Variants in KRAS observed in about 807,000 individuals in gnomAD.
KRAS encodes KRas proto-oncogene, GTPase, also known as GTPase KRas.
In KRAS, 1 loss-of-function variant was observed where a neutral mutation model predicts 21.0. That is an observed-to-expected ratio of 0.05 (90% CI 0.02 to 0.23). The LOEUF (loss-of-function observed/expected upper bound fraction) is 0.23. KRAS is among the 10% of genes least tolerant of loss of function. The pLI, the probability that KRAS is intolerant of heterozygous loss-of-function variation, is 1.00. For missense variants in KRAS, 107 were observed against 221.8 expected, an observed-to-expected ratio of 0.48 and a Z score of 3.29; for synonymous variants, 67 against 72.5, an observed-to-expected ratio of 0.92 and a Z score of 0.39.
At chr12:25,232,017 G>A (rs1211120475) in intron 2 of KRAS, among the ~76,000 whole-genome samples, 2 of 152,118 alleles carry the variant, frequency 1.3e-5, no homozygotes, top group African/African-American at 4.8e-5. Context: ...CCAGCCTCTA[G>A]TCCTACAGTT....
intron 2 of KRAS, chr12:25,234,467 T>A (rs1246584674): frequency 5.5e-6 from 1 of 182,436 alleles, no homozygotes; most frequent in African/African-American, 2.4e-5. Context: ...ATGGATTTCA[T>A]ATTTTTAAAT....
At chr12:25,241,298 T>TA (rs1401765900) in intron 2 of KRAS, among the ~76,000 whole-genome samples, 1 of 152,190 alleles carries the variant, frequency 6.6e-6, no homozygotes, top group Non-Finnish European at 1.5e-5. Context: ...ATGCCACCCA[T>TA]AATTTAAACA....
At chr12:25,242,429 C>G (rs1439386047) in intron 2 of KRAS, among the ~76,000 whole-genome samples, 2 of 152,130 alleles carry the variant, frequency 1.3e-5, no homozygotes, top group African/African-American at 4.8e-5. Context: ...TAAATGATCT[C>G]TGAACTATAA....
chr12:25,244,227 G>A (rs932296202), intron 2 of KRAS, among the ~76,000 whole-genome samples: 2 of 152,118 alleles, frequency 1.3e-5, no homozygotes, highest in African/African-American at 4.8e-5. Flanking sequence ...AAAGTTCTTA[G>A]AAATTTTTCA....
intron 2 of KRAS, among the ~76,000 whole-genome samples, chr12:25,231,546 T>C (rs969505176): frequency 2.6e-5 from 4 of 152,220 alleles, no homozygotes; most frequent in South Asian, 2.1e-4. Context: ...GATGCTTCCA[T>C]GGTGAATACA....
At position 25,208,715 on chromosome 12, in the gene KRAS, A is replaced by G. The variant is rs1164715873; in HGVS notation, c.*1080T>C. The G allele has an allele frequency of 4.3e-6, 1 of 232,818 alleles. No homozygotes were observed. The highest frequency in any genetic ancestry group is 2.2e-5 in the African/African-American group (1 of 45,318). 14.4% of individuals were successfully genotyped at this position (232,818 alleles called of 1,614,324 possible). On this transcript the variant is annotated 3_prime_UTR_variant, in exon 5 of 5. Transcript: ENST00000311936. Reference sequence around the variant, plus strand: ...CCTCCCCATTTTGACTAACCAATGCATGACAACACTGGATGACCGTGGGGA... The same window carrying G: ...CCTCCCCATTTTGACTAACCAATGCGTGACAACACTGGATGACCGTGGGGA...
intron 1 of KRAS, among the ~76,000 whole-genome samples, chr12:25,250,512 G>C (rs2135814132): frequency 6.6e-6 from 1 of 152,178 alleles, no homozygotes; most frequent in Middle Eastern, 3.4e-3. Context: ...AGCGGCGACC[G>C]CCTCCAGCCT....
chr12:25,244,637 T>C (rs1951653334), intron 2 of KRAS, among the ~76,000 whole-genome samples: 1 of 152,126 alleles, frequency 6.6e-6, no homozygotes, highest in Non-Finnish European at 1.5e-5. Context: ...AATCTGAAAA[T>C]AATCCTCAAA....
chr12:25,228,836 G>A (rs554403590), intron 2 of KRAS, among the ~76,000 whole-genome samples: 4 of 152,270 alleles, frequency 2.6e-5, no homozygotes, highest in Admixed American at 6.5e-5. Context: ...CGAGGTGGGC[G>A]GATCATGAGG....
chr12:25,213,910 TTAC>T (rs1341089252), intron 4 of KRAS, among the ~76,000 whole-genome samples: 1 of 152,220 alleles, frequency 6.6e-6, no homozygotes, highest in African/African-American at 2.4e-5. Flanking sequence ...TACTGGGTAG[TTAC>T]TATGTCCCAG....
chr12:25,220,749 G>A (rs993596991), intron 4 of KRAS, among the ~76,000 whole-genome samples: 1 of 151,118 alleles, frequency 6.6e-6, no homozygotes, highest in Admixed American at 6.6e-5. Flanking sequence ...TAGAGACCAG[G>A]CACAGTGACT....
intron 2 of KRAS, among the ~76,000 whole-genome samples, chr12:25,241,818 G>A (rs1441634303): frequency 6.6e-6 from 1 of 152,218 alleles, no homozygotes; most frequent in East Asian, 1.9e-4. Context: ...ATCTCCAGAT[G>A]TTGCCAAATG....
rs369513498 is a variant in KRAS at position 25,235,663 on chromosome 12, G to A, written c.112-8251C>T. Among the ~76,000 whole-genome samples the A allele has an allele frequency of 2.7e-4, 41 of 152,254 alleles. 1 individual carries two copies. In the East Asian group the frequency reaches 5.6e-3, roughly 21 times the overall value. ...CAACTTTGTATGCATTAAGAAAGAC[G>A]GGGAGGGGAAGGACATTCCAAGCAG... is the stretch of plus-strand genomic sequence containing the variant. On this transcript the variant is annotated intron_variant, in intron 2 of 4. Transcript: ENST00000311936.
intron 4 of KRAS, among the ~76,000 whole-genome samples, chr12:25,211,950 TAAG>T (rs1407641481): frequency 2.6e-5 from 4 of 152,176 alleles, no homozygotes; most frequent in Admixed American, 6.5e-5. Flanking sequence ...GGAAAAGTGG[TAAG>T]AAATAATTTA....
chr12:25,232,942 T>TGGGAAATTATGCTA (rs1951493440), intron 2 of KRAS, among the ~76,000 whole-genome samples: 1 of 152,218 alleles, frequency 6.6e-6, no homozygotes, highest in Non-Finnish European at 1.5e-5. Context: ...AATGTTACTA[T>TGGGAAATTATGCTA]GGGAAATTAT....
chr12:25,245,745 T>C (rs1316871799), intron 1 of KRAS, among the ~76,000 whole-genome samples: 1 of 152,110 alleles, frequency 6.6e-6, no homozygotes, highest in African/African-American at 2.4e-5. Context: ...ACTTCACTCA[T>C]GTAGAGACTT....
At chr12:25,224,260 A>C (rs1951362585) in intron 4 of KRAS, among the ~76,000 whole-genome samples, 1 of 151,466 alleles carries the variant, frequency 6.6e-6, no homozygotes, top group Admixed American at 6.6e-5. Flanking sequence ...TTCCAAAAGA[A>C]GGCAATGTTA....
rs908200131 is a variant in KRAS, at chr12:25,208,738, G to A, written c.*1057C>T. 4.3e-5 allele frequency: 10 copies of A among 232,766 alleles called. No individual in the cohort carries two copies. The highest frequency in any genetic ancestry group is 1.2e-3 in the Middle Eastern group (1 of 806). 14.4% of individuals were successfully genotyped at this position (232,766 alleles called of 1,614,324 possible). A position where few individuals can be genotyped will look rare whatever the true frequency, so the allele number is the denominator to read the frequency against. On this transcript the variant is annotated 3_prime_UTR_variant, in exon 5 of 5. Coordinates refer to ENST00000311936, the MANE Select transcript of KRAS (RefSeq NM_004985.5). ...GCATGACAACACTGGATGACCGTGGGGACACAGTCCATGCTGTGAAACTCT... is the reference window on the plus strand; with the variant it reads ...GCATGACAACACTGGATGACCGTGGAGACACAGTCCATGCTGTGAAACTCT...
intron 1 of KRAS, among the ~76,000 whole-genome samples, chr12:25,247,152 A>C (rs1951694736): frequency 6.6e-6 from 1 of 152,230 alleles, no homozygotes; most frequent in Non-Finnish European, 1.5e-5. Context: ...ATAAATAAGG[A>C]GAGAAATGCA....
Sources: allele counts gnomAD v4.1 joint callset (sites outside exome capture counted in the v4.1 genomes callset), GRCh38; gene constraint gnomAD v4.1.1; transcripts MANE v1.5; gene names NCBI Gene and HGNC (gene_info 2026-07-23, HGNC 2026-07-21).